The following IQCM variants were observed in gnomAD, a reference collection of about 807,000 sequenced individuals.
IQCM encodes the protein IQ domain-containing protein M.
IQCM carries 45 observed loss-of-function variants against 57.6 expected under a neutral mutation model. The ratio of observed to expected loss-of-function variants is 0.78; its 90% CI spans 0.62 to 1.00. The LOEUF (loss-of-function observed/expected upper bound fraction) is 1.00. Ranked by LOEUF, IQCM falls within the 50% of genes least tolerant of loss-of-function variation. The pLI is 0.00. For synonymous variants in IQCM, 148 were observed against 158.9 expected (o/e 0.93, Z 0.51); for missense variants, 468 against 511.6 (o/e 0.91, Z 0.82).
intron 13 of IQCM, among the ~76,000 whole-genome samples, chr4:149,393,551 C>T (rs1021967049): frequency 2.0e-5 from 3 of 151,528 alleles, no homozygotes; most frequent in Admixed American, 6.6e-5. Flanking sequence ...TCTCAAATCC[C>T]AAATAAGATA....
At chr4:149,654,762 G>C (rs571128697) in intron 7 of IQCM, among the ~76,000 whole-genome samples, 10 of 152,176 alleles carry the variant, frequency 6.6e-5, no homozygotes, top group Admixed American at 3.9e-4. Flanking sequence ...TGTCAATATG[G>C]TAACTACAAG....
intron 4 of IQCM, 109 bp from the exon 5 acceptor site, chr4:149,733,617 T>C (rs1251686764): frequency 1.2e-5 from 6 of 491,938 alleles, no homozygotes; most frequent in Admixed American, 4.4e-5. Context: ...CTCTAGTACA[T>C]ACATTTTACA....
intron 13 of IQCM, among the ~76,000 whole-genome samples, chr4:149,369,936 C>T (rs1484121227): frequency 6.6e-6 from 1 of 152,174 alleles, no homozygotes; most frequent in Non-Finnish European, 1.5e-5. Flanking sequence ...CACTCAGTCA[C>T]TCAGGTTGGA....
chr4:149,356,934 A>G (rs2110888830), intron 13 of IQCM, among the ~76,000 whole-genome samples: 1 of 152,114 alleles, frequency 6.6e-6, no homozygotes, highest in East Asian at 1.9e-4. Flanking sequence ...GCCATGGTTT[A>G]TAGTTCTCCT....
At position 149,356,919 on chromosome 4, in the gene IQCM, A is replaced by C. The variant is rs570769617; in HGVS notation, c.1391-4853T>G. On this transcript the variant is annotated intron_variant, in intron 13 of 13. Coordinates refer to ENST00000636793, the MANE Select transcript of IQCM (RefSeq NM_001363507.2). ...ATTTCTTTGTATCCTCTTTTATTTC[A>C]TTGAGCCATGGTTTATAGTTCTCCT... Among the ~76,000 whole-genome samples the C allele has an allele frequency of 6.4e-4, 97 of 152,062 alleles. 2 individuals are homozygous for C. Among genetic ancestry groups the C allele is most frequent in the African/African-American group, 2.0e-3 (83 of 41,464 alleles).
chr4:149,767,217 T>C (rs1380395967), intron 2 of IQCM, among the ~76,000 whole-genome samples: 2 of 151,982 alleles, frequency 1.3e-5, no homozygotes, highest in East Asian at 1.9e-4. Context: ...ATCACTAAAA[T>C]GGCCATTTAT....
At chr4:149,752,961 GAAA>G (rs752067021) in intron 2 of IQCM, among the ~76,000 whole-genome samples, 1,949 of 152,280 alleles carry the variant, frequency 0.013, 30 homozygotes, top group Admixed American at 0.046. Flanking sequence ...AAACAGGTTT[GAAA>G]TATCACTATC....
intron 12 of IQCM, among the ~76,000 whole-genome samples, chr4:149,509,414 AACTACAGG>A (rs1442246591): frequency 8.5e-5 from 13 of 152,060 alleles, no homozygotes; most frequent in African/African-American, 3.1e-4. Flanking sequence ...CAGTAGCTGG[AACTACAGG>A]CATGCACAAT....
chr4:149,354,381 A>AACG (rs1728806317), intron 13 of IQCM, among the ~76,000 whole-genome samples: 1 of 117,110 alleles, frequency 8.5e-6, no homozygotes, highest in Non-Finnish European at 1.7e-5. Flanking sequence ...AAAAAAAAAA[A>AACG]AAAAAAAACT....
At position 149,540,695 on chromosome 4, in the gene IQCM, A is replaced by G. The variant is rs573528499; in HGVS notation, c.1228+7760T>C. Among the ~76,000 whole-genome samples the G allele has an allele frequency of 4.6e-5, 7 of 152,258 alleles. No homozygotes were observed. In the East Asian group the frequency reaches 5.8e-4, roughly 13 times the overall value. On this transcript the variant is annotated intron_variant, in intron 12 of 13. Coordinates refer to ENST00000636793, the MANE Select transcript of IQCM (RefSeq NM_001363507.2). ...AATGTGATCCTATTTTTATTCTATT[A>G]ATGAAGAAGATAAATTGCCAAACAC...
chr4:149,437,725 A>T (rs2111305586), intron 12 of IQCM, among the ~76,000 whole-genome samples: 1 of 152,238 alleles, frequency 6.6e-6, no homozygotes, highest in Non-Finnish European at 1.5e-5. Context: ...GAATTGACAT[A>T]AAGATGGCAG....
intron 13 of IQCM, among the ~76,000 whole-genome samples, chr4:149,399,794 T>C (rs1732485309): frequency 6.6e-6 from 1 of 152,068 alleles, no homozygotes; most frequent in African/African-American, 2.4e-5. Context: ...TTTTACCTCA[T>C]GGGGTTACTT....
intron 12 of IQCM, among the ~76,000 whole-genome samples, chr4:149,519,757 C>T (rs969957264): frequency 1.3e-5 from 2 of 152,084 alleles, no homozygotes; most frequent in Admixed American, 6.5e-5. Context: ...GTAATCCCAG[C>T]ACTTTGGGAG....
chr4:149,476,662 A>G (rs920743791), intron 12 of IQCM, among the ~76,000 whole-genome samples: 18 of 152,176 alleles, frequency 1.2e-4, no homozygotes, highest in Admixed American at 3.3e-4. Context: ...ACCGAAAGGT[A>G]GAGGAGGCTG....
intron 13 of IQCM, among the ~76,000 whole-genome samples, chr4:149,405,034 C>T (rs952903246): frequency 6.6e-6 from 1 of 151,714 alleles, no homozygotes; most frequent in Non-Finnish European, 1.5e-5. Flanking sequence ...CACCTTGAAA[C>T]AGAAAATTAT....
chr4:149,461,586 C>G (rs1313926951), intron 12 of IQCM, among the ~76,000 whole-genome samples: 1 of 147,960 alleles, frequency 6.8e-6, no homozygotes, highest in African/African-American at 2.5e-5. Flanking sequence ...CCTGGGAGGT[C>G]GAGGCTGCCA....
chr4:149,770,111 T>C (rs1770430783), intron 2 of IQCM, among the ~76,000 whole-genome samples: 1 of 152,002 alleles, frequency 6.6e-6, no homozygotes, highest in Non-Finnish European at 1.5e-5. Flanking sequence ...GGAGAAAAAC[T>C]GGGTGAAGAC....
chr4:149,394,304 T>G (rs1298371177), intron 13 of IQCM, among the ~76,000 whole-genome samples: 1 of 151,988 alleles, frequency 6.6e-6, no homozygotes, highest in East Asian at 1.9e-4. Flanking sequence ...AATCTTCATG[T>G]TTTGAAACTG....
At position 149,588,005 on chromosome 4, in the gene IQCM, A is replaced by G. The variant is rs1463327125; in HGVS notation, c.682-8T>C. The G allele has an allele frequency of 2.5e-6, 3 of 1,192,598 alleles. No homozygotes were observed. The East Asian group carries it at 9.6e-5, about 38-fold the overall frequency. The allele number at this position is 1,192,598 out of a possible 1,614,324, so 73.9% of individuals were successfully genotyped here. A position where few individuals can be genotyped will look rare whatever the true frequency, so the allele number is the denominator to read the frequency against. ...AAGGGTTTTAAAGGTTTTCTATAAT[A>G]AGGAAAAGAAGAGTTGACATAAGTA... On this transcript the variant is annotated splice_region_variant and splice_polypyrimidine_tract_variant and intron_variant, in intron 8 of 13. Coordinates refer to ENST00000636793, the MANE Select transcript of IQCM (RefSeq NM_001363507.2).
Sources: allele counts gnomAD v4.1 joint callset (sites outside exome capture counted in the v4.1 genomes callset), GRCh38; gene constraint gnomAD v4.1.1; transcripts MANE v1.5; gene names NCBI Gene and HGNC (gene_info 2026-07-23, HGNC 2026-07-21).